AFF2: variants seen among roughly 807,000 people sequenced by gnomAD.
AFF2 encodes the protein AF4/FMR2 family member 2.
AFF2 carries 14 observed loss-of-function variants against 76.9 expected under a neutral mutation model. That is an observed-to-expected ratio of 0.18 (90% CI 0.12 to 0.28). The LOEUF is 0.28. Among genes scored for constraint, AFF2 ranks in the 10% least tolerant of loss-of-function variants. The pLI is 1.00. For synonymous variants in AFF2, 398 were observed against 366.7 expected (o/e 1.09, Z -0.98); for missense variants, 868 against 1,001.1 (o/e 0.87, Z 1.79).
intron 3 of AFF2, among the ~76,000 whole-genome samples, chrX:148,725,003 G>T (rs1049889670): frequency 6.3e-5 from 7 of 110,878 alleles, no homozygotes; most frequent in African/African-American, 2.3e-4. Context: ...TTTTTTTTGT[G>T]AAGCAGGCAA....
chrX:148,772,693 A>G (rs1315212204), intron 3 of AFF2, among the ~76,000 whole-genome samples: 1 of 110,366 alleles, frequency 9.1e-6, no homozygotes, highest in Non-Finnish European at 1.9e-5. Context: ...CTTTATTAAT[A>G]ATTTCTAAGT....
chrX:148,675,482 A>G (rs1445249779), intron 3 of AFF2, among the ~76,000 whole-genome samples: 1 of 111,123 alleles, frequency 9.0e-6, no homozygotes, highest in Non-Finnish European at 1.9e-5. Flanking sequence ...GCTATGCTGT[A>G]TAGTTTCAAA....
In AFF2 at chrX:148,996,272, A is replaced by G. The variant is rs2072598109; in HGVS notation, c.*4940A>G. ...TGCCCAGAACAAGATCTAGCTTCTC[A>G]TTTGGTCAGCCTAGCATGCAACCAG... On this transcript the variant is annotated 3_prime_UTR_variant, in exon 21 of 21. Coordinates refer to ENST00000370460, the MANE Select transcript of AFF2 (RefSeq NM_002025.4). The G allele has an allele frequency of 1.8e-5, 2 of 112,914 alleles. No individual in the cohort carries two copies. The highest frequency in any genetic ancestry group is 6.4e-5 in the African/African-American group (2 of 31,101). 9.3% of individuals were successfully genotyped at this position (112,914 alleles called of 1,213,427 possible). A position where few individuals can be genotyped will look rare whatever the true frequency, so the allele number is the denominator to read the frequency against.
chrX:148,969,380 T>G (rs1164901080), intron 15 of AFF2, among the ~76,000 whole-genome samples: 1 of 112,380 alleles, frequency 8.9e-6, no homozygotes, highest in Non-Finnish European at 1.9e-5. Flanking sequence ...TATTAAAATT[T>G]CATTGGGGGT....
At chrX:148,944,065 A>G (rs1557285881) in intron 9 of AFF2, among the ~76,000 whole-genome samples, 1 of 112,365 alleles carries the variant, frequency 8.9e-6, no homozygotes, top group African/African-American at 3.2e-5. Flanking sequence ...GACATAAAGC[A>G]CGGAAAAAGG....
intron 3 of AFF2, among the ~76,000 whole-genome samples, chrX:148,731,479 G>A (rs1219851196): frequency 2.7e-5 from 3 of 111,624 alleles, no homozygotes; most frequent in South Asian, 3.7e-4. Context: ...GAAGCATTTC[G>A]GACAAAGCAC....
chrX:148,951,823 C>A (rs1015813145), intron 9 of AFF2, among the ~76,000 whole-genome samples: 3 of 111,177 alleles, frequency 2.7e-5, no homozygotes, highest in Non-Finnish European at 5.6e-5. Flanking sequence ...CTTTCCCCCC[C>A]ACTGCTGGAG....
intron 20 of AFF2, among the ~76,000 whole-genome samples, chrX:148,989,800 A>G (rs994678386): frequency 8.9e-6 from 1 of 112,354 alleles, no homozygotes; most frequent in Admixed American, 9.4e-5. Context: ...GCAGCTGCAG[A>G]TGGCTTATTG....
intron 1 of AFF2, among the ~76,000 whole-genome samples, chrX:148,589,950 A>G (rs1359664174): frequency 9.5e-6 from 1 of 105,090 alleles, no homozygotes; most frequent in Non-Finnish European, 1.9e-5. Context: ...AAAACAGTCA[A>G]ATGCCGTAGC....
chrX:148,592,211 A>G (rs998621525), intron 1 of AFF2, among the ~76,000 whole-genome samples: 19 of 111,933 alleles, frequency 1.7e-4, no homozygotes, highest in African/African-American at 5.5e-4. Context: ...GATGCTGGCT[A>G]GAGCTTATAG....
chrX:148,630,316 T>C (rs1184529581), intron 1 of AFF2, among the ~76,000 whole-genome samples: 2 of 112,026 alleles, frequency 1.8e-5, no homozygotes, highest in African/African-American at 6.5e-5. Flanking sequence ...CTTGGTGATT[T>C]GGTTTTGATT....
intron 15 of AFF2, among the ~76,000 whole-genome samples, chrX:148,972,071 A>G (rs2072269331): frequency 3.5e-4 from 1 of 2,881 alleles, no homozygotes; most frequent in Non-Finnish European, 6.8e-4. Flanking sequence ...ATGGTTTCCA[A>G]TTTCATCCAT....
chrX:148,574,521 T>C (rs1557243056), intron 1 of AFF2, among the ~76,000 whole-genome samples: 1 of 111,660 alleles, frequency 9.0e-6, no homozygotes, highest in Admixed American at 9.5e-5. Flanking sequence ...TTCTTAATAA[T>C]AGGAGCACAC....
At chrX:148,884,391 A>T (rs2071132726) in intron 7 of AFF2, among the ~76,000 whole-genome samples, 1 of 111,994 alleles carries the variant, frequency 8.9e-6, no homozygotes, top group Non-Finnish European at 1.9e-5. Context: ...GAGTTATTGG[A>T]TATCCGCTCT....
intron 1 of AFF2, among the ~76,000 whole-genome samples, chrX:148,511,287 T>C (rs782334229): frequency 1.8e-5 from 2 of 111,640 alleles, no homozygotes; most frequent in South Asian, 7.5e-4. Context: ...TTACCATCCC[T>C]GAATTGTAGC....
At chrX:148,988,481 C>G (rs187960042) in intron 20 of AFF2, among the ~76,000 whole-genome samples, 6 of 111,863 alleles carry the variant, frequency 5.4e-5, no homozygotes, top group African/African-American at 1.3e-4. Context: ...TTAATTAAAT[C>G]TGTGAGCTGC....
chrX:148,592,808 C>T (rs1255422816), intron 1 of AFF2, among the ~76,000 whole-genome samples: 1 of 111,878 alleles, frequency 8.9e-6, no homozygotes, highest in Non-Finnish European at 1.9e-5. Context: ...GCCTCATCAG[C>T]AGGGAGTCAG....
intron 15 of AFF2, among the ~76,000 whole-genome samples, chrX:148,969,487 A>G (rs2072222483): frequency 8.9e-6 from 1 of 112,375 alleles, no homozygotes; most frequent in Admixed American, 9.4e-5. Context: ...TCTCTGATAT[A>G]AAATGGCCAT....
At chrX:148,878,060 G>A (rs1475953077) in intron 7 of AFF2, among the ~76,000 whole-genome samples, 2 of 111,479 alleles carry the variant, frequency 1.8e-5, no homozygotes, top group African/African-American at 6.5e-5. Flanking sequence ...AATTCCAAAA[G>A]GAATTCTGCC....
Sources: gnomAD v4.1 joint callset for allele counts (sites outside exome capture counted in the v4.1 genomes callset) on GRCh38, gnomAD v4.1.1 for gene constraint, MANE v1.5 for transcripts, NCBI Gene and HGNC (gene_info 2026-07-23, HGNC 2026-07-21) for gene names.